Variants in ARAP1 observed in about 807,000 individuals in gnomAD.
ARAP1 encodes the protein ArfGAP with RhoGAP domain, ankyrin repeat and PH domain 1, also known as arf-GAP with Rho-GAP domain, ANK repeat and PH domain-containing protein 1.
A neutral mutation model predicts 172.2 loss-of-function variants in ARAP1; 76 were observed. The ratio of observed to expected loss-of-function variants is 0.44; its 90% CI spans 0.37 to 0.53. The LOEUF (loss-of-function observed/expected upper bound fraction) is 0.53, where lower values mean the gene tolerates loss of function less well. Among genes scored for constraint, ARAP1 ranks in the 20% least tolerant of loss-of-function variants. ARAP1 has a pLI of 0.00. For missense variants in ARAP1, 1,686 were observed against 1,977.5 expected (o/e 0.85, Z 2.80); for synonymous variants, 804 against 803.3 (o/e 1.00, Z -0.01).
chr11:72,693,170 G>C lies in ARAP1; in HGVS notation c.3954+155C>G. ...AGAGTGGCCGTCCAGGGCCACAGCA[G>C]GAGGGGTCTTGAGAGTCTACAGTTC... On this transcript the variant is annotated intron_variant, in intron 29 of 34. Transcript: ENST00000393609. The surrounding 1 kb of genome is among the most constrained non-coding windows in gnomAD (Gnocchi z 4.6). The C allele has an allele frequency of 4.2e-6, 5 of 1,203,632 alleles. No homozygotes were observed. Among genetic ancestry groups the C allele is most frequent in the Non-Finnish European group, 3.4e-6 (3 of 880,658 alleles). 74.6% of individuals were successfully genotyped at this position (1,203,632 alleles called of 1,614,324 possible). A position where few individuals can be genotyped will look rare whatever the true frequency, so the allele number is the denominator to read the frequency against.
At chr11:72,746,090 A>G (rs112793702) in intron 1 of ARAP1, among the ~76,000 whole-genome samples, 18 of 152,210 alleles carry the variant, frequency 1.2e-4, no homozygotes, top group African/African-American at 4.3e-4. Context: ...GCCACATCCC[A>G]TACTGGCCCT....
At position 72,711,085 on chromosome 11, in the gene ARAP1, G is replaced by A. The variant is rs143899624; in HGVS notation, c.1149C>T (p.Ile383=). ...SVACISHVAA[I]GDQKFEVITN... ...TGATCACTTCAAACTTCTGGTCCCC[G>A]ATGGCAGCCACGTGGGAGATGCAGG... is the stretch of plus-strand genomic sequence containing the variant. Residue 383 remains isoleucine (I), a synonymous_variant, in exon 9 of 35, where the codon ATC becomes ATT. Coordinates refer to ENST00000393609, the MANE Select transcript of ARAP1 (RefSeq NM_001040118.3). The A allele has an allele frequency of 1.4e-5, 23 of 1,614,132 alleles. No homozygotes were observed. The highest frequency in any genetic ancestry group is 1.6e-4 in the Middle Eastern group (1 of 6,084).
At chr11:72,713,644 G>A (rs58945151) in intron 4 of ARAP1, among the ~76,000 whole-genome samples, 11,162 of 152,030 alleles carry the variant, frequency 0.073, 498 homozygotes, top group Middle Eastern at 0.19. Context: ...TCAGGAGATC[G>A]AGACCATCCT....
chr11:72,688,698 C>T, intron 30 of ARAP1, 161 bp from the exon 31 acceptor site: 2 of 620,856 alleles, frequency 3.2e-6, no homozygotes. Context: ...CCTCCCTGTT[C>T]ACAATCTAGC....
intron 3 of ARAP1, chr11:72,722,245 G>C: frequency 2.0e-6 from 2 of 985,712 alleles, no homozygotes; most frequent in Non-Finnish European, 2.4e-6. Context: ...ATGTGTGTGT[G>C]TATGTCTGCA....
Position 72,714,335 on chromosome 11 carries a change from A to G in ARAP1, c.510-14T>C. ...TTAGTGGGCAGGCTGGGAACACAAC[A>G]AAAGTTGGGCATCACTAAGCAACAG... On this transcript the variant is annotated splice_polypyrimidine_tract_variant and intron_variant, in intron 3 of 34. Coordinates refer to ENST00000393609, the MANE Select transcript of ARAP1 (RefSeq NM_001040118.3). 6.5e-7 allele frequency: 1 copy of G among 1,545,226 alleles called. No individual in the cohort carries two copies.
intron 16 of ARAP1, among the ~76,000 whole-genome samples, chr11:72,701,018 TG>T (rs975558318): frequency 2.0e-5 from 3 of 151,728 alleles, no homozygotes; most frequent in Non-Finnish European, 2.9e-5. Context: ...AAGGGAGAGA[TG>T]GGGGGTGCTA....
intron 3 of ARAP1, among the ~76,000 whole-genome samples, chr11:72,717,134 G>A (rs1857311172): frequency 6.6e-6 from 1 of 152,160 alleles, no homozygotes; most frequent in Admixed American, 6.5e-5. Flanking sequence ...AGCAACTGAG[G>A]GAGTGCCTGA....
chr11:72,706,406 C>T (rs751053880), intron 12 of ARAP1, among the ~76,000 whole-genome samples: 9 of 152,192 alleles, frequency 5.9e-5, no homozygotes, highest in Non-Finnish European at 1.2e-4. Flanking sequence ...TGCTCCTCCA[C>T]CTGGATCCCC....
chr11:72,711,775 A>C (rs2135542200), intron 7 of ARAP1, among the ~76,000 whole-genome samples: 2 of 146,642 alleles, frequency 1.4e-5, no homozygotes, highest in East Asian at 2.0e-4. Flanking sequence ...AGCTCACTAC[A>C]GCCTCAGATG....
chr11:72,693,590 C>A lies in ARAP1; in HGVS notation c.3808+102G>T. The A allele has an allele frequency of 6.6e-7, 1 of 1,526,478 alleles. No individual in the cohort carries two copies. 94.6% of individuals were successfully genotyped at this position (1,526,478 alleles called of 1,614,324 possible). ...TCTCCATAGAGGCCCACCCACTTGG[C>A]GCCCTCTGTCTGAGCTGTTCCTACC... On this transcript the variant is annotated intron_variant, in intron 28 of 34. Coordinates refer to ENST00000393609, the MANE Select transcript of ARAP1 (RefSeq NM_001040118.3). The surrounding 1 kb of genome is among the most constrained non-coding windows in gnomAD (Gnocchi z 4.6).
chr11:72,694,177 C>T (rs1284255360), intron 27 of ARAP1, among the ~76,000 whole-genome samples: 1 of 151,382 alleles, frequency 6.6e-6, no homozygotes, highest in African/African-American at 2.4e-5. Context: ...TCTGCTCTGT[C>T]TATCTCCACT....
chr11:72,687,803 C>T, intron 31 of ARAP1, 65 bp from the exon 32 acceptor site: 10 of 1,584,938 alleles, frequency 6.3e-6, no homozygotes, highest in Non-Finnish European at 8.7e-6. Context: ...ACCCCAGTTC[C>T]CAGGACAGAG....
intron 14 of ARAP1, chr11:72,703,408 C>CGGGAGGGG (rs1555013435): frequency 8.8e-6 from 1 of 113,632 alleles, no homozygotes; most frequent in African/African-American, 3.6e-5. Context: ...GTGGAGGAGC[C>CGGGAGGGG]GGGGGGGGGG....
chr11:72,685,868 C>T (rs889405326), intron 34 of ARAP1, 174 bp downstream of exon 34: 6 of 1,375,374 alleles, frequency 4.4e-6, no homozygotes, highest in Non-Finnish European at 6.1e-6. Flanking sequence ...GCAGAAGGGG[C>T]TCCTTTGAAT....
chr11:72,750,553 A>C (rs1858502529), intron 1 of ARAP1, among the ~76,000 whole-genome samples: 1 of 151,816 alleles, frequency 6.6e-6, no homozygotes, highest in Non-Finnish European at 1.5e-5. Flanking sequence ...CAAACTCTCA[A>C]TGCTGGAGAC....
chr11:72,692,235 T>G (rs1591172501), intron 30 of ARAP1, among the ~76,000 whole-genome samples: 1 of 152,098 alleles, frequency 6.6e-6, no homozygotes, highest in Admixed American at 6.5e-5. Flanking sequence ...GGCGGAGGGA[T>G]GAGCTCTCTC....
chr11:72,712,673 C>T, intron 5 of ARAP1, 105 bp from the exon 6 acceptor site: 1 of 1,569,312 alleles, frequency 6.4e-7, no homozygotes, highest in Non-Finnish European at 8.7e-7. Context: ...ACCCACACAG[C>T]CCAGCACTTT....
At chr11:72,691,507 T>A (rs1366679634) in intron 30 of ARAP1, among the ~76,000 whole-genome samples, 40 of 152,140 alleles carry the variant, frequency 2.6e-4, no homozygotes, top group Admixed American at 2.6e-3. Flanking sequence ...GAGGATGTGA[T>A]CACAGAAGAG....
Sources: gnomAD v4.1 joint callset for allele counts (sites outside exome capture counted in the v4.1 genomes callset) on GRCh38, gnomAD v4.1.1 for gene constraint, Gnocchi (gnomAD v3.1) non-coding constraint, MANE v1.5 for transcripts, NCBI Gene and HGNC (gene_info 2026-07-23, HGNC 2026-07-21) for gene names.